CDH18: variants seen among roughly 807,000 people sequenced by gnomAD.
CDH18 encodes the protein cadherin 18.
CDH18 carries 31 observed loss-of-function variants against 67.9 expected under a neutral mutation model. The ratio of observed to expected loss-of-function variants is 0.46; its 90% CI spans 0.34 to 0.62. The LOEUF is 0.62. Ranked by LOEUF, CDH18 falls within the 20% of genes least tolerant of loss-of-function variation. CDH18 has a pLI of 0.01. For missense variants in CDH18, 890 were observed against 975.5 expected (o/e 0.91, Z 1.17); for synonymous variants, 362 against 347.2 (o/e 1.04, Z -0.48).
At chr5:20,462,623 AATATT>A (rs1477689495) in intron 1 of CDH18, among the ~76,000 whole-genome samples, 1 of 152,200 alleles carries the variant, frequency 6.6e-6, no homozygotes, top group Admixed American at 6.5e-5. Context: ...TATATGTACA[AATATT>A]ATATATCAAA....
At chr5:20,195,363 A>G (rs6869189) in intron 2 of CDH18, among the ~76,000 whole-genome samples, 3,509 of 152,104 alleles carry the variant, frequency 0.023, 125 homozygotes, top group African/African-American at 0.079. Flanking sequence ...CCCAGCTAAT[A>G]TGGGTATTAC....
intron 8 of CDH18, among the ~76,000 whole-genome samples, chr5:19,567,622 G>A (rs980687108): frequency 6.6e-6 from 1 of 152,040 alleles, no homozygotes; most frequent in Non-Finnish European, 1.5e-5. Context: ...AGGCCCATGT[G>A]AATGACACAT....
At chr5:20,363,978 C>A (rs989521088) in intron 1 of CDH18, among the ~76,000 whole-genome samples, 2 of 152,088 alleles carry the variant, frequency 1.3e-5, no homozygotes, top group East Asian at 3.9e-4. Context: ...TACAAAAGTG[C>A]CACAAGTCCT....
chr5:19,962,760 T>G (rs1797052343), intron 2 of CDH18, among the ~76,000 whole-genome samples: 2 of 152,048 alleles, frequency 1.3e-5, no homozygotes, highest in East Asian at 3.9e-4. Context: ...TGGGCAAGAC[T>G]CGGTCTCAAA....
chr5:20,449,800 T>C lies in CDH18; in HGVS notation c.-580+125662A>G, dbSNP rs573613153. The stretch of plus-strand genomic sequence containing the variant: ...CTAGGGCAAAAATAAGAAAACCTTA[T>C]TATCTTTCATGTTTGTCTACAAAAA... On this transcript the variant is annotated intron_variant, in intron 1 of 14. Transcript: ENST00000507958. 5.0e-4 allele frequency among the ~76,000 whole-genome samples: 74 copies of C among 148,932 alleles called. 2 individuals are homozygous for C. The South Asian group carries it at 0.013, about 27-fold the overall frequency.
At chr5:20,080,049 C>T (rs1360081379) in intron 2 of CDH18, among the ~76,000 whole-genome samples, 2 of 151,994 alleles carry the variant, frequency 1.3e-5, no homozygotes, top group Admixed American at 6.6e-5. Flanking sequence ...ATTTAGGCTT[C>T]AATATGAATT....
chr5:19,791,055 G>C (rs1346603437), intron 3 of CDH18, among the ~76,000 whole-genome samples: 2 of 152,090 alleles, frequency 1.3e-5, no homozygotes, highest in Non-Finnish European at 2.9e-5. Flanking sequence ...TTAGAGTCCA[G>C]TTTTGTTCAG....
chr5:20,212,904 C>G (rs2126393332), intron 2 of CDH18, among the ~76,000 whole-genome samples: 1 of 152,066 alleles, frequency 6.6e-6, no homozygotes, highest in Admixed American at 6.6e-5. Context: ...TTCTCCATAT[C>G]AGCATTTTTT....
chr5:19,913,601 G>A (rs1385281001), intron 2 of CDH18, among the ~76,000 whole-genome samples: 7 of 152,020 alleles, frequency 4.6e-5, no homozygotes, highest in Non-Finnish European at 8.8e-5. Flanking sequence ...AATATATCAC[G>A]AGGTTAGGTG....
At chr5:20,127,108 GATTAA>G (rs1476699279) in intron 2 of CDH18, among the ~76,000 whole-genome samples, 1 of 152,158 alleles carries the variant, frequency 6.6e-6, no homozygotes, top group Non-Finnish European at 1.5e-5. Context: ...GACAGGAGTT[GATTAA>G]ATCATGGGGT....
chr5:20,405,007 T>G (rs1746104363), intron 1 of CDH18, among the ~76,000 whole-genome samples: 1 of 152,160 alleles, frequency 6.6e-6, no homozygotes, highest in African/African-American at 2.4e-5. Flanking sequence ...AACAGATTTA[T>G]AAATAAATTA....
chr5:20,074,246 G>A (rs370047084), intron 2 of CDH18, among the ~76,000 whole-genome samples: 31 of 152,090 alleles, frequency 2.0e-4, no homozygotes, highest in East Asian at 1.7e-3. Context: ...GCCTGTTACC[G>A]TAATATCTAA....
chr5:20,541,986 C>T (rs1757074296), intron 1 of CDH18, among the ~76,000 whole-genome samples: 1 of 152,172 alleles, frequency 6.6e-6, no homozygotes, highest in Admixed American at 6.5e-5. Context: ...CGCTCTGTCA[C>T]CCAGGCCGGA....
chr5:19,557,654 C>T (rs1416123252), intron 8 of CDH18, among the ~76,000 whole-genome samples: 2 of 152,026 alleles, frequency 1.3e-5, no homozygotes, highest in African/African-American at 2.4e-5. Context: ...ACAGTTACTA[C>T]TAAACCAAAG....
Position 19,490,394 on chromosome 5 carries a change from G to GTTTTTTTTT in CDH18, c.1631-6851_1631-6843dup, listed in dbSNP as rs70950073. On this transcript the variant is annotated intron_variant, in intron 11 of 12. Transcript: ENST00000382275. ...TGATATATCACATATATAAAAATCT[G>GTTTTTTTTT]TTTTTTTTTTTTTTTTTTTTTTTTT... 2.1e-3 allele frequency among the ~76,000 whole-genome samples: 129 copies of GTTTTTTTTT among 60,206 alleles called. 18 individuals are homozygous for GTTTTTTTTT. Among genetic ancestry groups the GTTTTTTTTT allele is most frequent in the African/African-American group, 3.6e-3 (54 of 14,916 alleles). 39.5% of individuals were successfully genotyped at this position (60,206 alleles called of 152,430 possible).
At chr5:19,813,234 A>G (rs1778935739) in intron 3 of CDH18, among the ~76,000 whole-genome samples, 1 of 152,144 alleles carries the variant, frequency 6.6e-6, no homozygotes, top group African/African-American at 2.4e-5. Flanking sequence ...GCATGTGTAT[A>G]TTTACGTAAC....
At chr5:20,548,817 G>A (rs530257767) in intron 1 of CDH18, among the ~76,000 whole-genome samples, 3 of 152,238 alleles carry the variant, frequency 2.0e-5, no homozygotes, top group South Asian at 4.1e-4. Flanking sequence ...ACCTGGGCAA[G>A]GTACACACAG....
intron 1 of CDH18, among the ~76,000 whole-genome samples, chr5:19,986,974 T>A (rs1278319464): frequency 6.6e-6 from 1 of 152,198 alleles, no homozygotes; most frequent in Non-Finnish European, 1.5e-5. Context: ...TTAGTTTTTT[T>A]GGCTGCATAA....
At chr5:19,757,251 A>T (rs1157457060) in intron 3 of CDH18, among the ~76,000 whole-genome samples, 1 of 152,204 alleles carries the variant, frequency 6.6e-6, no homozygotes, top group Non-Finnish European at 1.5e-5. Flanking sequence ...ACCCATATGC[A>T]GAGTAAGTGT....
Sources: gnomAD v4.1 joint callset for allele counts (sites outside exome capture counted in the v4.1 genomes callset) on GRCh38, gnomAD v4.1.1 for gene constraint, MANE v1.5 for transcripts, NCBI Gene and HGNC (gene_info 2026-07-23, HGNC 2026-07-21) for gene names.